YTHDC2: variants seen among roughly 807,000 people sequenced by gnomAD.
The protein encoded by YTHDC2 is YTH N6-methyladenosine RNA binding protein C2.
Under a neutral mutation model 174.9 loss-of-function variants are expected in YTHDC2, and 45 were observed. The observed-to-expected ratio is 0.26, with a 90% CI of 0.20 to 0.33. The LOEUF is 0.33. Among genes scored for constraint, YTHDC2 ranks in the 10% least tolerant of loss-of-function variants. The pLI is 1.00. For missense variants in YTHDC2, 1,650 were observed against 1,723.7 expected (o/e 0.96, Z 0.76); for synonymous variants, 657 against 574.5 (o/e 1.14, Z -2.05).
Position 113,593,397 on chromosome 5 carries a change from C to G in YTHDC2, c.*7+7C>G. 1.9e-6 allele frequency: 3 copies of G among 1,601,162 alleles called. No individual in the cohort carries two copies. In the East Asian group the frequency reaches 6.7e-5, roughly 36 times the overall value. On this transcript the variant is annotated splice_region_variant and intron_variant, in intron 29 of 29. Transcript: ENST00000161863. ...ACAACTGATTGACACTCAGGTTATA[C>G]CATCTTGACTTTGAGTATTGGCAGT...
intron 18 of YTHDC2, among the ~76,000 whole-genome samples, chr5:113,562,034 C>T (rs1226336428): frequency 1.4e-5 from 2 of 147,928 alleles, no homozygotes; most frequent in South Asian, 2.1e-4. Flanking sequence ...CAGCCAGACC[C>T]TATAGCTTCT....
intron 4 of YTHDC2, among the ~76,000 whole-genome samples, chr5:113,527,410 G>T (rs534508123): frequency 5.3e-5 from 8 of 152,292 alleles, no homozygotes; most frequent in African/African-American, 1.9e-4. Flanking sequence ...TAGTAAGTAT[G>T]ACATCATATG....
intron 23 of YTHDC2, among the ~76,000 whole-genome samples, chr5:113,573,577 A>G (rs1580620800): frequency 2.0e-5 from 3 of 152,012 alleles, no homozygotes; most frequent in East Asian, 1.9e-4. Context: ...GCTTGGTTCT[A>G]TTCTCTTTTA....
chr5:113,540,414 A>T (rs1369681441), intron 8 of YTHDC2, among the ~76,000 whole-genome samples: 1 of 152,210 alleles, frequency 6.6e-6, no homozygotes, highest in Non-Finnish European at 1.5e-5. Context: ...GCCCATTTTC[A>T]CACTGCTGTA....
At chr5:113,556,711 T>G (rs1037601712) in intron 17 of YTHDC2, among the ~76,000 whole-genome samples, 2 of 152,228 alleles carry the variant, frequency 1.3e-5, no homozygotes, top group African/African-American at 4.8e-5. Context: ...GAGTATAGAT[T>G]GGTGTGACTT....
At chr5:113,525,510 G>A (rs973347712) in intron 3 of YTHDC2, among the ~76,000 whole-genome samples, 12 of 152,006 alleles carry the variant, frequency 7.9e-5, no homozygotes, top group Admixed American at 2.6e-4. Context: ...TTTCACAGGT[G>A]AAGAAACTGA....
intron 8 of YTHDC2, among the ~76,000 whole-genome samples, chr5:113,539,708 A>T (rs1025823621): frequency 6.6e-6 from 1 of 152,096 alleles, no homozygotes; most frequent in African/African-American, 2.4e-5. Flanking sequence ...TTTTAACTTC[A>T]TTATTCATCA....
rs143297769 is a variant in YTHDC2, at chr5:113,570,997, C to T, written c.3244+3148C>T. Among the ~76,000 whole-genome samples, 718 of 152,270 alleles carry T rather than the reference C, an allele frequency of 4.7e-3. 3 individuals are homozygous for T. Among genetic ancestry groups the T allele is most frequent in the Non-Finnish European group, 8.4e-3 (573 of 68,024 alleles). ...TTTTTCTCTGGCCTGATTTCCTTGGCCTGAACTTCCAATCCTATGTTGAAT... is the reference window on the plus strand; with the variant it reads ...TTTTTCTCTGGCCTGATTTCCTTGGTCTGAACTTCCAATCCTATGTTGAAT... On this transcript the variant is annotated intron_variant, in intron 23 of 29. Transcript: ENST00000161863.
rs369182425 is a variant in YTHDC2 at position 113,581,492 on chromosome 5, C to T, written c.3430C>T (p.Pro1144Ser). 7.4e-6 allele frequency: 12 copies of T among 1,613,838 alleles called. No homozygotes were observed. Among genetic ancestry groups the T allele is most frequent in the South Asian group, 6.6e-5 (6 of 91,070 alleles). Residue 1144 changes from proline (P) to serine (S), a missense_variant, in exon 25 of 30, where the codon CCT (proline) becomes TCT (serine). Pro to Ser is a moderately conservative substitution (Grantham distance 74). This residue lies in a region of YTHDC2 where 913 missense variants were observed against 940.4 expected (regional missense o/e 0.97). Coordinates refer to ENST00000161863, the MANE Select transcript of YTHDC2 (RefSeq NM_022828.5). ...ACGCCGAATGAGAGCTCCATCTAAA[C>T]CTTGGTCTCAAGTTGATGAAGCTAC... ...FLRRMRAPSK[P>S]WSQVDEATIR... is the part of the protein sequence containing the mutation.
intron 2 of YTHDC2, among the ~76,000 whole-genome samples, chr5:113,522,865 CAT>C (rs1773973602): frequency 6.6e-6 from 1 of 152,086 alleles, no homozygotes; most frequent in Admixed American, 6.5e-5. Flanking sequence ...TTTACTAAAA[CAT>C]AAAAATGATC....
At chr5:113,559,151 C>G (rs1169771595) in intron 17 of YTHDC2, among the ~76,000 whole-genome samples, 1 of 131,170 alleles carries the variant, frequency 7.6e-6, no homozygotes, top group Non-Finnish European at 1.5e-5. Context: ...CTTAGAGGAG[C>G]CTGGAGGTAA....
chr5:113,567,620 A>C, intron 22 of YTHDC2, 34 bp from the exon 23 acceptor site: 2 of 1,510,582 alleles, frequency 1.3e-6, no homozygotes, highest in South Asian at 1.3e-5. Context: ...TGATAAACAC[A>C]ATTAACAATT....
At chr5:113,551,078 T>A (rs548845935) in intron 12 of YTHDC2, among the ~76,000 whole-genome samples, 1 of 152,220 alleles carries the variant, frequency 6.6e-6, no homozygotes, top group African/African-American at 2.4e-5. Flanking sequence ...CTTAATTTTA[T>A]AGATGTAAAA....
chr5:113,545,630 C>G (rs567800567), intron 10 of YTHDC2, among the ~76,000 whole-genome samples: 1 of 151,936 alleles, frequency 6.6e-6, no homozygotes, highest in Non-Finnish European at 1.5e-5. Flanking sequence ...TGGGCTCAAG[C>G]GACCTGCCCA....
In YTHDC2 at chr5:113,542,362, T is replaced by A; in HGVS notation, c.1360-6T>A. 6.2e-7 allele frequency: 1 copy of A among 1,605,108 alleles called. No homozygotes were observed. Among genetic ancestry groups the A allele is most frequent in the South Asian group, 1.1e-5 (1 of 87,678 alleles). On this transcript the variant is annotated splice_region_variant and splice_polypyrimidine_tract_variant and intron_variant, in intron 9 of 29. Transcript: ENST00000161863. The stretch of plus-strand genomic sequence containing the variant: ...GATAATTTATGATTTTTACTGTTTT[T>A]TGTAGACTGAAAAAGATGTGAATTG...
chr5:113,592,043 C>T lies in YTHDC2; in HGVS notation c.4077C>T (p.Asp1359=), dbSNP rs777583520. ...SSEIGREKSQ[D]WGSAGLGGVF... ...AGATTGGAAGGGAAAAGAGTCAGGA[C>T]TGGGGCTCTGCTGGACTAGGAGGAG... Residue 1359 remains aspartate, a synonymous_variant, in exon 28 of 30, where the codon GAC becomes GAT. Coordinates refer to ENST00000161863, the MANE Select transcript of YTHDC2 (RefSeq NM_022828.5). 2 of 1,612,648 alleles carry T rather than the reference C, an allele frequency of 1.2e-6. No individual in the cohort carries two copies. The highest frequency in any genetic ancestry group is 1.7e-5 in the Admixed American group (1 of 59,818).
At position 113,593,537 on chromosome 5, in the gene YTHDC2, T is replaced by G; in HGVS notation, c.*63T>G. 1.7e-6 allele frequency: 1 copy of G among 590,178 alleles called. No individual in the cohort carries two copies. Among genetic ancestry groups the G allele is most frequent in the African/African-American group, 1.9e-5 (1 of 53,814 alleles). 36.6% of individuals were successfully genotyped at this position (590,178 alleles called of 1,614,324 possible). On this transcript the variant is annotated 3_prime_UTR_variant, in exon 30 of 30. Transcript: ENST00000161863. ...ATTTATAACCACTGAATGCACTGAC[T>G]TTCAAAAACTGAGGTGGGGTGTGTG...
chr5:113,557,877 A>T (rs1224274409), intron 17 of YTHDC2, among the ~76,000 whole-genome samples: 2 of 152,264 alleles, frequency 1.3e-5, no homozygotes, highest in African/African-American at 4.8e-5. Context: ...CCATTTTTCA[A>T]CAAATGTTTA....
rs1397950366 is a variant in YTHDC2, at chr5:113,545,928, G to T, written c.1496-2613G>T. ...GCTAATTTTTTGTATTTTTAGTAGAGACGGGGTTTCACCGTTTTAGCCGGG... is the reference window on the plus strand; with the variant it reads ...GCTAATTTTTTGTATTTTTAGTAGATACGGGGTTTCACCGTTTTAGCCGGG... On this transcript the variant is annotated intron_variant, in intron 10 of 29. Coordinates refer to ENST00000161863, the MANE Select transcript of YTHDC2 (RefSeq NM_022828.5). Among the ~76,000 whole-genome samples the T allele has an allele frequency of 1.0e-4, 10 of 98,276 alleles. 3 individuals are homozygous for T. The highest frequency in any genetic ancestry group is 8.4e-4 in the South Asian group (3 of 3,562). 64.5% of individuals were successfully genotyped at this position (98,276 alleles called of 152,430 possible).
Sources: gnomAD v4.1 joint callset for allele counts (sites outside exome capture counted in the v4.1 genomes callset) on GRCh38, gnomAD v4.1.1 for gene constraint, gnomAD v4.1.1 regional missense constraint, MANE v1.5 for transcripts, NCBI Gene and HGNC (gene_info 2026-07-23, HGNC 2026-07-21) for gene names.